PCDHA10: variants seen among roughly 807,000 people sequenced by gnomAD.
The protein encoded by PCDHA10 is protocadherin alpha 10.
In PCDHA10, 45 loss-of-function variants were observed where a neutral mutation model predicts 61.2. That is an observed-to-expected ratio of 0.74 (90% CI 0.58 to 0.94). The LOEUF (loss-of-function observed/expected upper bound fraction) is 0.94, where lower values mean the gene tolerates loss of function less well. Ranked by LOEUF, PCDHA10 falls within the 40% of genes least tolerant of loss-of-function variation. PCDHA10 has a pLI of 0.00. For missense variants in PCDHA10, 1,278 were observed against 1,236.2 expected, an observed-to-expected ratio of 1.03 and a Z score of -0.51; for synonymous variants, 602 against 548.8, an observed-to-expected ratio of 1.10 and a Z score of -1.35.
At chr5:140,929,195 G>GT in intron 1 of PCDHA10, 2 of 1,614,140 alleles carry the variant, frequency 1.2e-6, no homozygotes, top group Non-Finnish European at 1.7e-6. Context: ...GATAATAACA[G>GT]TTTGCTGTTG....
chr5:140,888,003 A>G (rs1187660261), intron 1 of PCDHA10, among the ~76,000 whole-genome samples: 1 of 152,112 alleles, frequency 6.6e-6, no homozygotes, highest in African/African-American at 2.4e-5. Context: ...CCGAATAGTC[A>G]TCTTTTTATC....
In PCDHA10 at chr5:140,858,116, G is replaced by T; in HGVS notation, c.2068G>T (p.Ala690Ser). Residue 690 changes from alanine (A) to serine (S), a missense_variant, in exon 1 of 4, where the codon GCC (alanine) becomes TCC (serine). Physicochemically the swap from Ala to Ser is moderately conservative, Grantham distance 99. Coordinates refer to ENST00000307360, the MANE Select transcript of PCDHA10 (RefSeq NM_018901.4). ...RASVGVAPEV[A>S]LVDVNVYLII... ...TTCAGTGGGCGTGGCGCCCGAGGTGGCCCTGGTGGATGTCAACGTGTACCT... is the reference window on the plus strand; with the variant it reads ...TTCAGTGGGCGTGGCGCCCGAGGTGTCCCTGGTGGATGTCAACGTGTACCT... 1.3e-6 allele frequency: 2 copies of T among 1,597,882 alleles called. No homozygotes were observed. The highest frequency in any genetic ancestry group is 1.7e-6 in the Non-Finnish European group (2 of 1,167,684).
intron 1 of PCDHA10, chr5:140,875,283 C>G (rs1554167582): frequency 7.3e-7 from 1 of 1,362,346 alleles, no homozygotes; most frequent in Non-Finnish European, 9.6e-7. Context: ...GAAGGTGAAA[C>G]AGGAAAATTT....
intron 1 of PCDHA10, among the ~76,000 whole-genome samples, chr5:140,963,380 G>A (rs1476855902): frequency 6.6e-6 from 1 of 152,198 alleles, no homozygotes; most frequent in Non-Finnish European, 1.5e-5. Context: ...GAGCACCTCT[G>A]TGCCAAGCTC....
At chr5:140,926,722 C>A in intron 1 of PCDHA10, 1 of 1,027,126 alleles carries the variant, frequency 9.7e-7, no homozygotes, top group East Asian at 3.0e-5. Flanking sequence ...CCCGGCAATG[C>A]CGGCGTTCGG....
chr5:140,922,177 A>G (rs1194396252), intron 1 of PCDHA10, among the ~76,000 whole-genome samples: 1 of 69,034 alleles, frequency 1.4e-5, no homozygotes, highest in Non-Finnish European at 3.3e-5. Context: ...TACAGCAGAC[A>G]AAAAAAAAGT....
intron 1 of PCDHA10, chr5:140,928,625 A>T: frequency 6.2e-7 from 1 of 1,614,224 alleles, no homozygotes; most frequent in African/African-American, 1.3e-5. Flanking sequence ...AGGACTGGAC[A>T]CTTGGTCACA....
At chr5:140,959,815 C>T (rs1239999748) in intron 1 of PCDHA10, among the ~76,000 whole-genome samples, 1 of 151,920 alleles carries the variant, frequency 6.6e-6, no homozygotes, top group Non-Finnish European at 1.5e-5. Context: ...TATATTTTAC[C>T]CACATGATAA....
At chr5:140,987,952 C>T (rs1176597775) in intron 3 of PCDHA10, among the ~76,000 whole-genome samples, 1 of 152,128 alleles carries the variant, frequency 6.6e-6, no homozygotes, top group African/African-American at 2.4e-5. Flanking sequence ...TCTGACAAAA[C>T]CAACTCCCCA....
At chr5:140,870,921 T>G (rs2052546739) in intron 1 of PCDHA10, 1 of 1,613,894 alleles carries the variant, frequency 6.2e-7, no homozygotes, top group South Asian at 1.1e-5. Flanking sequence ...ACGCGTGGCT[T>G]TCATATGAAT....
At chr5:140,891,586 A>C (rs1296110221) in intron 1 of PCDHA10, among the ~76,000 whole-genome samples, 1 of 151,924 alleles carries the variant, frequency 6.6e-6, no homozygotes, top group Non-Finnish European at 1.5e-5. Flanking sequence ...TAATCTTATT[A>C]CTCTATCCCA....
At chr5:140,877,578 C>A (rs782777600) in intron 1 of PCDHA10, 6 of 1,613,700 alleles carry the variant, frequency 3.7e-6, no homozygotes, top group East Asian at 2.2e-5. Flanking sequence ...ACCTCATCAT[C>A]GCCATCTGTG....
intron 1 of PCDHA10, chr5:140,862,749 G>C: frequency 1.7e-6 from 1 of 579,636 alleles, no homozygotes; most frequent in Non-Finnish European, 3.3e-6. Flanking sequence ...GGGTGCACGC[G>C]GAGAGCGGCA....
intron 1 of PCDHA10, chr5:140,969,442 T>C (rs1554231813): frequency 1.3e-6 from 2 of 1,543,712 alleles, no homozygotes; most frequent in Admixed American, 4.0e-5. Flanking sequence ...AGTTATCTGG[T>C]AAACTGAGTA....
At chr5:140,968,591 G>A (rs1289458266) in intron 1 of PCDHA10, 3 of 1,614,098 alleles carry the variant, frequency 1.9e-6, no homozygotes, top group Non-Finnish European at 2.5e-6. Flanking sequence ...CAAAGTCATA[G>A]CTATGGACTC....
chr5:140,876,378 T>G (rs1554168503), intron 1 of PCDHA10: 1 of 1,613,948 alleles, frequency 6.2e-7, no homozygotes. Flanking sequence ...CAGGTGAAAT[T>G]AGAATTTATG....
chr5:140,884,003 G>A, intron 1 of PCDHA10: 4 of 1,613,086 alleles, frequency 2.5e-6, no homozygotes, highest in African/African-American at 1.3e-5. Flanking sequence ...CACAGTGAGC[G>A]AGCTGATGCC....
chr5:140,925,320 C>T (rs1201662507), intron 1 of PCDHA10, among the ~76,000 whole-genome samples: 1 of 152,016 alleles, frequency 6.6e-6, no homozygotes, highest in Non-Finnish European at 1.5e-5. Context: ...ACATATTGCA[C>T]CTGTATTAAA....
intron 1 of PCDHA10, among the ~76,000 whole-genome samples, chr5:140,972,686 AT>A (rs2096549556): frequency 8.3e-6 from 1 of 120,944 alleles, no homozygotes; most frequent in African/African-American, 3.2e-5. Context: ...TTTTTTTGAG[AT>A]GGAGTCTCAC....
Sources: gnomAD v4.1 joint callset for allele counts (sites outside exome capture counted in the v4.1 genomes callset) on GRCh38, gnomAD v4.1.1 for gene constraint, MANE v1.5 for transcripts, NCBI Gene and HGNC (gene_info 2026-07-23, HGNC 2026-07-21) for gene names.